UBASH3B: variants seen among roughly 807,000 people sequenced by gnomAD.
UBASH3B encodes the protein ubiquitin associated and SH3 domain containing B, also known as ubiquitin-associated and SH3 domain-containing protein B.
UBASH3B carries 37 observed loss-of-function variants against 83.4 expected under a neutral mutation model. That is an observed-to-expected ratio of 0.44 (90% CI 0.34 to 0.58). The LOEUF is 0.58. UBASH3B is among the 20% of genes least tolerant of loss of function. The pLI is 0.01. For synonymous variants in UBASH3B, 304 were observed against 318.3 expected, an observed-to-expected ratio of 0.96 and a Z score of 0.48; for missense variants, 657 against 827.2, an observed-to-expected ratio of 0.79 and a Z score of 2.52.
intron 1 of UBASH3B, among the ~76,000 whole-genome samples, chr11:122,742,921 A>G (rs1861049643): frequency 6.6e-6 from 1 of 152,148 alleles, no homozygotes; most frequent in Non-Finnish European, 1.5e-5. Flanking sequence ...ACACCGCCTG[A>G]GCTTGAGCCT....
At chr11:122,690,671 C>T (rs1428059377) in intron 1 of UBASH3B, among the ~76,000 whole-genome samples, 2 of 152,158 alleles carry the variant, frequency 1.3e-5, no homozygotes, top group East Asian at 2.0e-4. Flanking sequence ...TAGATACATA[C>T]GCATGGAGAG....
chr11:122,810,150 A>G lies in UBASH3B; in HGVS notation c.*264A>G. 1 of 392,482 alleles carries G rather than the reference A, an allele frequency of 2.5e-6. No homozygotes were observed. The highest frequency in any genetic ancestry group is 4.6e-6 in the Non-Finnish European group (1 of 217,288). The allele number at this position is 392,482 out of a possible 1,614,324, so 24.3% of individuals were successfully genotyped here. On this transcript the variant is annotated 3_prime_UTR_variant, in exon 14 of 14. Transcript: ENST00000284273. ...CTTCCTAAATCGGGGCACCTGCTAC[A>G]GAAGAGAATGTTTCGTTCCCTCTGG...
At chr11:122,656,741 T>C (rs1461405822) in intron 1 of UBASH3B, among the ~76,000 whole-genome samples, 2 of 151,556 alleles carry the variant, frequency 1.3e-5, no homozygotes, top group Non-Finnish European at 2.9e-5. Flanking sequence ...CCCCCTGGAG[T>C]AGGAGGAGCG....
intron 1 of UBASH3B, among the ~76,000 whole-genome samples, chr11:122,667,473 C>T (rs542913545): frequency 6.6e-6 from 1 of 152,254 alleles, no homozygotes; most frequent in African/African-American, 2.4e-5. Flanking sequence ...AATCTCCACC[C>T]TCAGGAAACT....
intron 6 of UBASH3B, among the ~76,000 whole-genome samples, chr11:122,789,554 C>T (rs1370760621): frequency 1.3e-5 from 2 of 152,190 alleles, no homozygotes; most frequent in South Asian, 4.1e-4. Context: ...ACTGAGGTGG[C>T]TTGGGGTCCA....
intron 1 of UBASH3B, among the ~76,000 whole-genome samples, chr11:122,744,908 C>CACAT (rs57081785): frequency 7.4e-6 from 1 of 135,804 alleles, no homozygotes; most frequent in African/African-American, 2.7e-5. Context: ...TGCGCGCGCG[C>CACAT]GCGCACTTGG....
intron 1 of UBASH3B, among the ~76,000 whole-genome samples, chr11:122,696,626 T>C (rs1239802641): frequency 6.9e-6 from 1 of 143,960 alleles, no homozygotes; most frequent in Non-Finnish European, 1.5e-5. Context: ...TTTCTAAATC[T>C]GTATTTTCAA....
intron 1 of UBASH3B, among the ~76,000 whole-genome samples, chr11:122,739,684 CT>C (rs1860993899): frequency 6.6e-6 from 1 of 152,274 alleles, no homozygotes; most frequent in African/African-American, 2.4e-5. Context: ...AAGTGCAGGG[CT>C]AAATTTTCAT....
chr11:122,690,264 A>C (rs1268944010), intron 1 of UBASH3B, among the ~76,000 whole-genome samples: 2 of 138,180 alleles, frequency 1.4e-5, no homozygotes, highest in Admixed American at 1.5e-4. Flanking sequence ...AATTATATAT[A>C]TATATATCTC....
intron 11 of UBASH3B, among the ~76,000 whole-genome samples, chr11:122,805,975 C>T (rs1318389952): frequency 6.6e-6 from 1 of 152,144 alleles, no homozygotes; most frequent in Non-Finnish European, 1.5e-5. Flanking sequence ...TTGATAAACT[C>T]GCAAAGAATC....
intron 1 of UBASH3B, among the ~76,000 whole-genome samples, chr11:122,699,201 G>A (rs1864002705): frequency 6.6e-6 from 1 of 152,194 alleles, no homozygotes; most frequent in South Asian, 2.1e-4. Flanking sequence ...GCATGGGAGG[G>A]AACTGGTATC....
intron 1 of UBASH3B, among the ~76,000 whole-genome samples, chr11:122,664,008 C>T (rs1349808542): frequency 1.3e-5 from 2 of 152,240 alleles, no homozygotes; most frequent in Admixed American, 1.3e-4. Flanking sequence ...GGTGATGTTA[C>T]TCCACATGGC....
At chr11:122,682,484 T>G (rs1863754975) in intron 1 of UBASH3B, among the ~76,000 whole-genome samples, 1 of 152,208 alleles carries the variant, frequency 6.6e-6, no homozygotes. Context: ...CCATATTCTT[T>G]CCAGTCTGCC....
intron 1 of UBASH3B, among the ~76,000 whole-genome samples, chr11:122,775,017 A>G (rs1439918563): frequency 1.3e-5 from 2 of 152,264 alleles, no homozygotes; most frequent in East Asian, 3.9e-4. Context: ...CTTAACATCA[A>G]TGTAATTAAA....
At chr11:122,712,050 T>G (rs1864200429) in intron 1 of UBASH3B, among the ~76,000 whole-genome samples, 1 of 140,238 alleles carries the variant, frequency 7.1e-6, no homozygotes, top group Non-Finnish European at 1.6e-5. Flanking sequence ...TTTTTTTTTT[T>G]TACTGCATTG....
rs1195332740 is a variant in UBASH3B, at chr11:122,690,194, ATATATATATATATATCCAAT to A, written c.161+34006_161+34025del. On this transcript the variant is annotated intron_variant, in intron 1 of 13. Coordinates refer to ENST00000284273, the MANE Select transcript of UBASH3B (RefSeq NM_032873.5). ...TATATATATATATATATATATATAT[ATATATATATATATATCCAAT>A]TATATATATATATATCCAATTTTAT... Among the ~76,000 whole-genome samples, 46 of 21,302 alleles carry A rather than the reference ATATATATATATATATCCAAT, an allele frequency of 2.2e-3. 3 individuals carry two copies. Among genetic ancestry groups the A allele is most frequent in the Admixed American group, 8.0e-3 (12 of 1,504 alleles). The allele number at this position is 21,302 out of a possible 152,430, so 14.0% of individuals were successfully genotyped here. A position where few individuals can be genotyped will look rare whatever the true frequency, so the allele number is the denominator to read the frequency against.
intron 1 of UBASH3B, among the ~76,000 whole-genome samples, chr11:122,674,724 G>T (rs866393475): frequency 9.8e-5 from 11 of 112,320 alleles, no homozygotes; most frequent in South Asian, 5.7e-4. Context: ...TCTGCAGTTA[G>T]TTTTTTTTTT....
chr11:122,803,794 G>C (rs1160897783), intron 11 of UBASH3B, among the ~76,000 whole-genome samples: 1 of 152,076 alleles, frequency 6.6e-6, no homozygotes, highest in African/African-American at 2.4e-5. Flanking sequence ...ATATGGGGGA[G>C]GATACAGTTT....
intron 1 of UBASH3B, among the ~76,000 whole-genome samples, chr11:122,729,196 A>G (rs565926426): frequency 1.8e-4 from 28 of 152,274 alleles, no homozygotes; most frequent in African/African-American, 6.7e-4. Context: ...GAGTACTCCA[A>G]CGCCACAGGG....
Sources: gnomAD v4.1 joint callset for allele counts (sites outside exome capture counted in the v4.1 genomes callset) on GRCh38, gnomAD v4.1.1 for gene constraint, MANE v1.5 for transcripts, NCBI Gene and HGNC (gene_info 2026-07-23, HGNC 2026-07-21) for gene names.